The following DNAJC10 variants were observed in gnomAD, a reference collection of about 807,000 sequenced individuals.
DNAJC10 encodes DnaJ heat shock protein family (Hsp40) member C10.
In DNAJC10, 101 loss-of-function variants were observed where a neutral mutation model predicts 115.0. That is an observed-to-expected ratio of 0.88 (90% confidence interval 0.75 to 1.04). The LOEUF is 1.04. Ranked by LOEUF, DNAJC10 falls within the 50% of genes least tolerant of loss-of-function variation. The pLI, the probability that DNAJC10 is intolerant of heterozygous loss-of-function variation, is 0.00. For missense variants in DNAJC10, 981 were observed against 928.8 expected, an observed-to-expected ratio of 1.06 and a Z score of -0.73; for synonymous variants, 307 against 301.5, an observed-to-expected ratio of 1.02 and a Z score of -0.19.
intron 14 of DNAJC10, among the ~76,000 whole-genome samples, chr2:182,751,130 CTTTTTTTTTTT>C (rs773393648): frequency 1.5e-4 from 13 of 85,180 alleles, no homozygotes; most frequent in Admixed American, 6.9e-4. Flanking sequence ...GAGATTTTGA[CTTTTTTTTTTT>C]TTTTTTTTTT....
chr2:182,766,383 C>T (rs141146552), intron 22 of DNAJC10, among the ~76,000 whole-genome samples: 2 of 152,214 alleles, frequency 1.3e-5, no homozygotes, highest in Admixed American at 1.3e-4. Flanking sequence ...AGCTCTTGTG[C>T]TGGAAGAAAC....
In DNAJC10 at chr2:182,718,005, T is replaced by C; in HGVS notation, c.-82T>C. 1 of 1,003,874 alleles carries C rather than the reference T, an allele frequency of 1.0e-6. No individual in the cohort carries two copies. 62.2% of individuals were successfully genotyped at this position (1,003,874 alleles called of 1,614,324 possible). On this transcript the variant is annotated 5_prime_UTR_variant, in exon 3 of 24. Transcript: ENST00000264065. ...CCCTTGAAGTAATGTAGACAGAAGT[T>C]CTCAAATTTGCATATTACATCAACT...
chr2:182,743,162 T>A (rs1190090945), intron 13 of DNAJC10, among the ~76,000 whole-genome samples: 1 of 152,214 alleles, frequency 6.6e-6, no homozygotes, highest in African/African-American at 2.4e-5. Flanking sequence ...TGTTTCTTAA[T>A]GGATCTTCTC....
At chr2:182,749,415 C>G (rs1285083291) in intron 14 of DNAJC10, among the ~76,000 whole-genome samples, 3 of 147,756 alleles carry the variant, frequency 2.0e-5, no homozygotes, top group Non-Finnish European at 3.0e-5. Flanking sequence ...AGGTAATGGC[C>G]TTCTTTGTCT....
At chr2:182,761,642 T>C (rs1037569925) in intron 21 of DNAJC10, among the ~76,000 whole-genome samples, 1 of 152,148 alleles carries the variant, frequency 6.6e-6, no homozygotes, top group African/African-American at 2.4e-5. Flanking sequence ...ATGAGCCTAA[T>C]TTCTGGCTTG....
chr2:182,768,972 C>G lies in DNAJC10; in HGVS notation c.2265+6171C>G, dbSNP rs1010772330. 7.2e-5 allele frequency among the ~76,000 whole-genome samples: 11 copies of G among 152,238 alleles called. No homozygotes were observed. In the East Asian group the frequency reaches 1.9e-3, roughly 27 times the overall value. On this transcript the variant is annotated intron_variant, in intron 22 of 23. Coordinates refer to ENST00000264065, the MANE Select transcript of DNAJC10 (RefSeq NM_018981.4). ...GTATTTCTCCTAATGCTATCCCTCCCCCAGCCCTGAACTCCCCAACAGGCC... is the reference window on the plus strand; with the variant it reads ...GTATTTCTCCTAATGCTATCCCTCCGCCAGCCCTGAACTCCCCAACAGGCC...
chr2:182,780,129 C>T lies in DNAJC10; in HGVS notation c.*2997C>T, dbSNP rs368849434. 1.3e-5 allele frequency: 2 copies of T among 152,136 alleles called. No individual in the cohort carries two copies. The highest frequency in any genetic ancestry group is 4.8e-5 in the African/African-American group (2 of 41,430). The allele number at this position is 152,136 out of a possible 1,614,324, so 9.4% of individuals were successfully genotyped here. On this transcript the variant is annotated 3_prime_UTR_variant, in exon 24 of 24. Transcript: ENST00000264065. ...ACTTTACACATATACTGAAAACTTA[C>T]TTACATATACCCAAATTCTTCTAGT...
chr2:182,717,909 A>C (rs574538300), intron 2 of DNAJC10, 32 bp from the exon 3 acceptor site: 2 of 483,016 alleles, frequency 4.1e-6, no homozygotes, highest in Admixed American at 7.6e-5. Context: ...TTAGTTCAAA[A>C]TGTATTTTAA....
chr2:182,741,296 A>C lies in DNAJC10; in HGVS notation c.1131A>C (p.Glu377Asp). The change falls in exon 13 of 24, where the codon GAA (glutamate) becomes GAC (aspartate). Residue 377 changes from glutamate to aspartate, a missense_variant. Transcript: ENST00000264065. ...TATTTTTTCATTTTGGAAAAAATGA[A>C]AATTCAAATGATCCTGAGCTGAAAA... ...WLLFFHFGKN[E>D]NSNDPELKKL... 6.2e-7 allele frequency: 1 copy of C among 1,606,226 alleles called. No homozygotes were observed. The highest frequency in any genetic ancestry group is 1.1e-5 in the South Asian group (1 of 88,906).
At chr2:182,717,230 C>T (rs1307952611) in intron 2 of DNAJC10, among the ~76,000 whole-genome samples, 158 bp downstream of exon 2, 1 of 152,152 alleles carries the variant, frequency 6.6e-6, no homozygotes, top group Non-Finnish European at 1.5e-5. Flanking sequence ...TTTTGCCCTG[C>T]AGAGAGTATG....
At chr2:182,725,045 A>G (rs866494994) in intron 5 of DNAJC10, among the ~76,000 whole-genome samples, 6 of 152,102 alleles carry the variant, frequency 3.9e-5, no homozygotes, top group African/African-American at 1.4e-4. Flanking sequence ...GCATGTGCTC[A>G]TTTCATGTCT....
At position 182,759,175 on chromosome 2, in the gene DNAJC10, A is replaced by G. The variant is rs780756409; in HGVS notation, c.2013A>G (p.Val671=). The part of the protein sequence containing the change: ...RIWGLGFLPQ[V]STDLTPQTFS... ...TTTGCCACAGATTTTTACCTCAAGT[A>G]TCCACAGATCTAACACCTCAGACTT... is the stretch of plus-strand genomic sequence containing the variant. Residue 671 remains valine (V), a synonymous_variant, in exon 21 of 24, where the codon GTA becomes GTG. Transcript: ENST00000264065. 6.3e-6 allele frequency: 10 copies of G among 1,582,856 alleles called. No individual in the cohort carries two copies. Among genetic ancestry groups the G allele is most frequent in the African/African-American group, 1.4e-5 (1 of 72,796 alleles).
At chr2:182,737,940 T>C (rs1170478360) in intron 11 of DNAJC10, among the ~76,000 whole-genome samples, 4 of 152,206 alleles carry the variant, frequency 2.6e-5, no homozygotes, top group Non-Finnish European at 5.9e-5. Context: ...AGATACGTAA[T>C]TTTTCATAAA....
chr2:182,720,941 A>G (rs930389531), intron 4 of DNAJC10, among the ~76,000 whole-genome samples: 3 of 152,120 alleles, frequency 2.0e-5, no homozygotes, highest in Admixed American at 6.5e-5. Context: ...ATTAAGGTCA[A>G]TACCTTGAAA....
intron 2 of DNAJC10, among the ~76,000 whole-genome samples, chr2:182,717,377 T>C (rs116570309): frequency 0.011 from 1,643 of 152,326 alleles, 17 homozygotes; most frequent in Admixed American, 0.023. Flanking sequence ...TTAAATTCAG[T>C]ATAAGCACCT....
At chr2:182,758,777 T>G (rs1694218915) in intron 19 of DNAJC10, 60 bp from the exon 20 acceptor site, 2 of 1,184,116 alleles carry the variant, frequency 1.7e-6, no homozygotes, top group Non-Finnish European at 2.5e-6. Flanking sequence ...TAAGATTGTT[T>G]TCTGAATACA....
Position 182,783,870 on chromosome 2 carries a change from A to G in DNAJC10, c.*6738A>G, listed in dbSNP as rs575610653. The G allele has an allele frequency of 2.6e-5, 4 of 152,322 alleles. No homozygotes were observed. The highest frequency in any genetic ancestry group is 9.6e-5 in the African/African-American group (4 of 41,582). 9.4% of individuals were successfully genotyped at this position (152,322 alleles called of 1,614,324 possible). On this transcript the variant is annotated 3_prime_UTR_variant, in exon 24 of 24. Transcript: ENST00000264065. ...ACCAAAGAACTCAAGAATGAATAAC[A>G]TGATCTATCAAAAGGCCTATAATCT...
chr2:182,780,962 C>T lies in DNAJC10; in HGVS notation c.*3830C>T, dbSNP rs578204947. 9.3e-6 allele frequency: 1 copy of T among 108,102 alleles called. No homozygotes were observed. The highest frequency in any genetic ancestry group is 8.8e-5 in the Admixed American group (1 of 11,418). 6.7% of individuals were successfully genotyped at this position (108,102 alleles called of 1,614,324 possible). On this transcript the variant is annotated 3_prime_UTR_variant, in exon 24 of 24. Coordinates refer to ENST00000264065, the MANE Select transcript of DNAJC10 (RefSeq NM_018981.4). ...TAACTGATAGACAATCTTCATTAAGCAACTGCTGTTTTTTTTTTTTAATAC... is the reference window on the plus strand; with the variant it reads ...TAACTGATAGACAATCTTCATTAAGTAACTGCTGTTTTTTTTTTTTAATAC...
chr2:182,766,279 C>T (rs923280936), intron 22 of DNAJC10, among the ~76,000 whole-genome samples: 3 of 152,154 alleles, frequency 2.0e-5, no homozygotes, highest in African/African-American at 7.2e-5. Flanking sequence ...CATACTAGAG[C>T]ATCACCTTGA....
Sources: allele counts gnomAD v4.1 joint callset (sites outside exome capture counted in the v4.1 genomes callset), GRCh38; gene constraint gnomAD v4.1.1; transcripts MANE v1.5; gene names NCBI Gene and HGNC (gene_info 2026-07-23, HGNC 2026-07-21).